LYPD6B: variants seen among roughly 807,000 people sequenced by gnomAD.
LYPD6B encodes the protein LY6/PLAUR domain containing 6B, also known as ly6/PLAUR domain-containing protein 6B.
In LYPD6B, 17 loss-of-function variants were observed where a neutral mutation model predicts 22.8. The observed-to-expected ratio is 0.75, with a 90% CI of 0.51 to 1.12. The LOEUF (loss-of-function observed/expected upper bound fraction) is 1.12, where lower values mean the gene tolerates loss of function less well. LYPD6B is among the 50% of genes most tolerant of loss of function. LYPD6B has a pLI of 0.00. For synonymous variants in LYPD6B, 106 were observed against 91.6 expected (o/e 1.16, Z -0.90); for missense variants, 221 against 258.3 (o/e 0.86, Z 0.99).
At chr2:149,157,773 A>G (rs1463877941) in intron 2 of LYPD6B, among the ~76,000 whole-genome samples, 2 of 152,138 alleles carry the variant, frequency 1.3e-5, no homozygotes, top group Non-Finnish European at 2.9e-5. Context: ...CTGAGGACCT[A>G]TGTTTGCACA....
chr2:149,211,272 A>G (rs2106175608), intron 5 of LYPD6B, among the ~76,000 whole-genome samples: 1 of 152,272 alleles, frequency 6.6e-6, no homozygotes, highest in East Asian at 1.9e-4. Flanking sequence ...TTTGGGTGAG[A>G]CACAGACTCA....
intron 1 of LYPD6B, among the ~76,000 whole-genome samples, chr2:149,102,132 G>C (rs60616199): frequency 0.016 from 2,491 of 151,958 alleles, 54 homozygotes; most frequent in African/African-American, 0.055. Flanking sequence ...CTTTACCAAG[G>C]GCTACTGGCT....
chr2:149,136,185 G>A (rs1688359298), intron 2 of LYPD6B, among the ~76,000 whole-genome samples: 1 of 152,180 alleles, frequency 6.6e-6, no homozygotes, highest in African/African-American at 2.4e-5. Context: ...AAAGAAAAAT[G>A]TATTAGTTTC....
chr2:149,086,187 C>T (rs1304713835), intron 1 of LYPD6B, among the ~76,000 whole-genome samples: 2 of 152,210 alleles, frequency 1.3e-5, no homozygotes, highest in African/African-American at 4.8e-5. Flanking sequence ...CCCCAATGTG[C>T]ATTCATGCCA....
Position 149,205,256 on chromosome 2 carries a change from TAA to T in LYPD6B, c.82_83del (p.Lys28GlufsTer42). The T allele has an allele frequency of 1.9e-6, 3 of 1,609,950 alleles. No individual in the cohort carries two copies. Among genetic ancestry groups the T allele is most frequent in the Non-Finnish European group, 2.5e-6 (3 of 1,178,780 alleles). Reference protein sequence around the residue: ...LTTTFSFSRYKSSDRPAHKVS... With the variant: ...LTTTFSFSRYXSSDRPAHKVS... The stretch of plus-strand genomic sequence containing the variant: ...CCAGTGTGTCTTTTCACCATAGATA[TAA>T]GAGTTCGGACCGCCCAGCACACAAG... On this transcript the variant is annotated frameshift_variant, in exon 4 of 7. Transcript: ENST00000409642. LOFTEE classifies it high-confidence loss of function.
At chr2:149,135,719 CAAAAAAAAAAA>C (rs386391471) in intron 2 of LYPD6B, among the ~76,000 whole-genome samples, 1 of 32,228 alleles carries the variant, frequency 3.1e-5, no homozygotes, top group Non-Finnish European at 6.2e-5. Flanking sequence ...GACCATGTCT[CAAAAAAAAAAA>C]AAAAAAAAAA....
intron 1 of LYPD6B, among the ~76,000 whole-genome samples, chr2:149,091,479 CTT>C (rs367982770): frequency 2.6e-5 from 4 of 151,944 alleles, no homozygotes; most frequent in African/African-American, 9.7e-5. Flanking sequence ...ATTTTACTCT[CTT>C]AGTGTCAGGT....
At chr2:149,189,107 C>T (rs1199131311) in intron 3 of LYPD6B, among the ~76,000 whole-genome samples, 2 of 151,654 alleles carry the variant, frequency 1.3e-5, no homozygotes, top group African/African-American at 2.4e-5. Context: ...GATGGTAGCC[C>T]CCTCTTCCTA....
At chr2:149,131,808 A>G (rs1488286806) in intron 2 of LYPD6B, among the ~76,000 whole-genome samples, 1 of 152,188 alleles carries the variant, frequency 6.6e-6, no homozygotes, top group Non-Finnish European at 1.5e-5. Context: ...AGCAAAGGAC[A>G]TCTGACCAGC....
At chr2:149,061,972 CTT>C (rs780959897) in intron 1 of LYPD6B, among the ~76,000 whole-genome samples, 19 of 142,594 alleles carry the variant, frequency 1.3e-4, no homozygotes, top group African/African-American at 2.0e-4. Flanking sequence ...ATCGTAGAAT[CTT>C]TTTTTTTTTT....
At chr2:149,041,593 G>A (rs1188351726) in intron 1 of LYPD6B, among the ~76,000 whole-genome samples, 1 of 152,056 alleles carries the variant, frequency 6.6e-6, no homozygotes, top group African/African-American at 2.4e-5. Context: ...TTAGCAAGGA[G>A]GAAAGTGAGA....
chr2:149,190,262 G>C (rs777453082), intron 3 of LYPD6B, among the ~76,000 whole-genome samples: 2 of 152,124 alleles, frequency 1.3e-5, no homozygotes, highest in Non-Finnish European at 2.9e-5. Flanking sequence ...TAGGTAATGT[G>C]TGTGTGTGTG....
At chr2:149,174,866 C>T (rs1414089422) in intron 3 of LYPD6B, among the ~76,000 whole-genome samples, 3 of 151,640 alleles carry the variant, frequency 2.0e-5, no homozygotes, top group East Asian at 1.9e-4. Context: ...TGATCTGTGC[C>T]GCAAACCACC....
At chr2:149,196,126 A>G (rs1304970913) in intron 3 of LYPD6B, among the ~76,000 whole-genome samples, 2 of 152,232 alleles carry the variant, frequency 1.3e-5, no homozygotes, top group Non-Finnish European at 2.9e-5. Flanking sequence ...ATATGAAATT[A>G]TGCACATATA....
intron 5 of LYPD6B, among the ~76,000 whole-genome samples, chr2:149,211,298 C>T (rs894703620): frequency 6.6e-6 from 1 of 152,050 alleles, no homozygotes; most frequent in African/African-American, 2.4e-5. Context: ...TATCAATTGC[C>T]ACGTGGTTTA....
At chr2:149,131,552 T>C (rs1408376251) in intron 2 of LYPD6B, 4 of 152,102 alleles carry the variant, frequency 2.6e-5, no homozygotes, top group Non-Finnish European at 4.4e-5. Flanking sequence ...GGGAAGGTGA[T>C]ATAGGCCACT....
intron 1 of LYPD6B, among the ~76,000 whole-genome samples, chr2:149,056,872 G>A (rs771493832): frequency 6.6e-6 from 1 of 152,126 alleles, no homozygotes; most frequent in African/African-American, 2.4e-5. Context: ...AGGAGGGTAC[G>A]TTATCCGACT....
At chr2:149,140,736 C>T (rs562901024) in intron 2 of LYPD6B, among the ~76,000 whole-genome samples, 15 of 152,330 alleles carry the variant, frequency 9.8e-5, no homozygotes, top group African/African-American at 3.6e-4. Flanking sequence ...GAAATAAATG[C>T]CTGGTGAATT....
intron 1 of LYPD6B, among the ~76,000 whole-genome samples, chr2:149,041,188 TG>T (rs2105243781): frequency 4.3e-5 from 1 of 23,240 alleles, no homozygotes; most frequent in East Asian, 0.5. Context: ...GGACACTTTT[TG>T]TTGTAATATG....
Sources: gnomAD v4.1 joint callset for allele counts (sites outside exome capture counted in the v4.1 genomes callset) on GRCh38, gnomAD v4.1.1 for gene constraint, MANE v1.5 for transcripts, NCBI Gene and HGNC (gene_info 2026-07-23, HGNC 2026-07-21) for gene names.